SCAPER: variants seen among roughly 807,000 people sequenced by gnomAD.
SCAPER encodes S-phase cyclin A associated protein in the ER.
Under a neutral mutation model 182.2 loss-of-function variants are expected in SCAPER, and 98 were observed. The observed-to-expected ratio is 0.54, with a 90% CI of 0.46 to 0.64. The LOEUF is 0.64. Ranked by LOEUF, SCAPER falls within the 30% of genes least tolerant of loss-of-function variation. The pLI is 0.00. For missense variants in SCAPER, 1,432 were observed against 1,690.0 expected (o/e 0.85, Z 2.68); for synonymous variants, 605 against 564.6 (o/e 1.07, Z -1.01).
At chr15:76,565,135 T>C (rs865932088) in intron 23 of SCAPER, among the ~76,000 whole-genome samples, 2 of 152,002 alleles carry the variant, frequency 1.3e-5, no homozygotes, top group African/African-American at 2.4e-5. Flanking sequence ...CCGAAAGCAA[T>C]TGCAACAAAA....
intron 24 of SCAPER, among the ~76,000 whole-genome samples, chr15:76,488,714 C>T (rs1211229228): frequency 2.1e-5 from 2 of 93,136 alleles, no homozygotes; most frequent in Non-Finnish European, 4.0e-5. Flanking sequence ...AGTACACTGC[C>T]TTTTTTTTTT....
intron 4 of SCAPER, among the ~76,000 whole-genome samples, chr15:76,857,160 T>G (rs564179047): frequency 6.6e-6 from 1 of 152,236 alleles, no homozygotes; most frequent in African/African-American, 2.4e-5. Context: ...GGGCTGAATG[T>G]GGTGGTTCAT....
At chr15:76,623,503 G>T (rs1217958839) in intron 21 of SCAPER, among the ~76,000 whole-genome samples, 1 of 152,122 alleles carries the variant, frequency 6.6e-6, no homozygotes, top group East Asian at 1.9e-4. Flanking sequence ...TAAATGGGGA[G>T]TCCTTTCTTC....
chr15:76,885,372 GAC>G (rs1433783386), intron 1 of SCAPER, among the ~76,000 whole-genome samples: 1 of 152,160 alleles, frequency 6.6e-6, no homozygotes, highest in East Asian at 1.9e-4. Context: ...CAGCATGCCA[GAC>G]ATATTCTAGC....
chr15:76,557,501 A>G (rs960601831), intron 23 of SCAPER, among the ~76,000 whole-genome samples: 16 of 152,212 alleles, frequency 1.1e-4, no homozygotes, highest in Non-Finnish European at 2.1e-4. Flanking sequence ...GTTTAGCCCC[A>G]AACCTCTTGG....
chr15:76,567,903 T>A (rs2047159416), intron 23 of SCAPER, among the ~76,000 whole-genome samples: 1 of 152,120 alleles, frequency 6.6e-6, no homozygotes, highest in Non-Finnish European at 1.5e-5. Context: ...TTCCCTTTAT[T>A]GTTAATTTCT....
chr15:76,662,422 T>C (rs1221269132), intron 21 of SCAPER, among the ~76,000 whole-genome samples: 1 of 152,038 alleles, frequency 6.6e-6, no homozygotes, highest in African/African-American at 2.4e-5. Context: ...TATATAAAAA[T>C]TGCACAGTCC....
At chr15:76,495,302 G>A (rs905858313) in intron 24 of SCAPER, among the ~76,000 whole-genome samples, 1 of 152,140 alleles carries the variant, frequency 6.6e-6, no homozygotes, top group Non-Finnish European at 1.5e-5. Context: ...TGCAGACCAG[G>A]CATGGTGGCT....
chr15:76,718,614 C>G (rs945177927), intron 17 of SCAPER, among the ~76,000 whole-genome samples: 7 of 150,930 alleles, frequency 4.6e-5, no homozygotes, highest in African/African-American at 1.7e-4. Flanking sequence ...TCACTCCAGC[C>G]TGGACAAGAG....
chr15:76,418,528 T>A (rs1341976653), intron 26 of SCAPER, among the ~76,000 whole-genome samples: 1 of 152,228 alleles, frequency 6.6e-6, no homozygotes, highest in African/African-American at 2.4e-5. Flanking sequence ...GCACAGATCA[T>A]CTCGGAACCA....
chr15:76,696,768 G>T (rs2058675320), intron 20 of SCAPER, among the ~76,000 whole-genome samples: 1 of 152,058 alleles, frequency 6.6e-6, no homozygotes, highest in African/African-American at 2.4e-5. Flanking sequence ...TTAAATTTTA[G>T]AATGTATTTA....
chr15:76,715,865 C>G (rs1256801847), intron 17 of SCAPER, among the ~76,000 whole-genome samples: 2 of 152,168 alleles, frequency 1.3e-5, no homozygotes, highest in African/African-American at 4.8e-5. Flanking sequence ...GAAACAAACA[C>G]TGTGTAGTGG....
intron 21 of SCAPER, among the ~76,000 whole-genome samples, chr15:76,649,872 G>C (rs78105686): frequency 4.6e-5 from 7 of 151,950 alleles, no homozygotes; most frequent in Admixed American, 3.3e-4. Context: ...AACATTAAAG[G>C]AAGTTATTCA....
intron 25 of SCAPER, among the ~76,000 whole-genome samples, chr15:76,445,855 C>T (rs967346395): frequency 1.3e-5 from 2 of 152,144 alleles, no homozygotes; most frequent in South Asian, 2.1e-4. Context: ...ATTAAAATCT[C>T]GATTTCCCAC....
intron 22 of SCAPER, chr15:76,577,003 G>A (rs1012237825): frequency 6.6e-6 from 1 of 152,140 alleles, no homozygotes; most frequent in Non-Finnish European, 1.5e-5. Context: ...TGCTGGGCTC[G>A]GAGCCAGTGA....
intron 22 of SCAPER, among the ~76,000 whole-genome samples, chr15:76,620,687 G>T (rs150477195): frequency 3.9e-5 from 6 of 152,222 alleles, no homozygotes; most frequent in Middle Eastern, 3.4e-3. Context: ...CACTTAAATT[G>T]TTTCTTGACT....
chr15:76,658,751 G>A (rs1012837275), intron 21 of SCAPER, among the ~76,000 whole-genome samples: 11 of 152,058 alleles, frequency 7.2e-5, no homozygotes, highest in Non-Finnish European at 1.3e-4. Context: ...TAAAGAGAGT[G>A]CAGAAAAAAT....
At chr15:76,727,370 GAT>G (rs1296339407) in intron 17 of SCAPER, among the ~76,000 whole-genome samples, 2 of 152,024 alleles carry the variant, frequency 1.3e-5, no homozygotes, top group Non-Finnish European at 2.9e-5. Context: ...ATAAAGCTTT[GAT>G]AACTAAGGCA....
In SCAPER at chr15:76,463,347, A is replaced by ACAGG. The variant is rs149120783; in HGVS notation, c.3078+7861_3078+7864dup. ...GGCCTTGCTGCTGTAATGAAAATCA[A>ACAGG]CAGGCACCTGGATGGCTCTGCACAT... On this transcript the variant is annotated intron_variant, in intron 25 of 31. Coordinates refer to ENST00000563290, the MANE Select transcript of SCAPER (RefSeq NM_020843.4). 8.5e-3 allele frequency among the ~76,000 whole-genome samples: 1,299 copies of ACAGG among 152,286 alleles called. 25 individuals are homozygous for ACAGG. The highest frequency in any genetic ancestry group is 0.03 in the African/African-American group (1,231 of 41,554).
Sources: allele counts gnomAD v4.1 joint callset (sites outside exome capture counted in the v4.1 genomes callset), GRCh38; gene constraint gnomAD v4.1.1; transcripts MANE v1.5; gene names NCBI Gene and HGNC (gene_info 2026-07-23, HGNC 2026-07-21).